BBS9: variants seen among roughly 807,000 people sequenced by gnomAD.
BBS9 encodes protein PTHB1.
Under a neutral mutation model 117.7 loss-of-function variants are expected in BBS9, and 89 were observed. That is an observed-to-expected ratio of 0.76 (90% CI 0.64 to 0.90). The LOEUF (loss-of-function observed/expected upper bound fraction) is 0.90. BBS9 is among the 40% of genes least tolerant of loss of function. BBS9 has a pLI of 0.00. For synonymous variants in BBS9, 379 were observed against 370.9 expected (o/e 1.02, Z -0.25); for missense variants, 982 against 1,042.2 (o/e 0.94, Z 0.80).
chr7:33,371,032 A>C (rs1563077491), intron 17 of BBS9, among the ~76,000 whole-genome samples: 1 of 152,212 alleles, frequency 6.6e-6, no homozygotes, highest in Non-Finnish European at 1.5e-5. Context: ...ATGATCAAAA[A>C]GGTGCTAGTC....
intron 19 of BBS9, among the ~76,000 whole-genome samples, chr7:33,492,225 C>T (rs867184283): frequency 1.1e-5 from 1 of 91,282 alleles, no homozygotes; most frequent in Non-Finnish European, 2.2e-5. Flanking sequence ...AAAAAAAAAA[C>T]AAAAAAAAAA....
chr7:33,164,324 G>A (rs899561468), intron 4 of BBS9, among the ~76,000 whole-genome samples: 1 of 152,172 alleles, frequency 6.6e-6, no homozygotes, highest in Non-Finnish European at 1.5e-5. Flanking sequence ...TGGATGGAGA[G>A]TTCTGTAGAT....
intron 19 of BBS9, among the ~76,000 whole-genome samples, chr7:33,399,383 A>G (rs1484830713): frequency 1.3e-5 from 2 of 152,212 alleles, no homozygotes; most frequent in Non-Finnish European, 2.9e-5. Context: ...AAAACTATAC[A>G]TTCAAATATT....
chr7:33,566,102 T>C lies in BBS9; in HGVS notation c.2521+31926T>C, dbSNP rs1856894365. On this transcript the variant is annotated intron_variant, in intron 21 of 22. Coordinates refer to ENST00000242067, the MANE Select transcript of BBS9 (RefSeq NM_198428.3). ...ACAGATTCTGTTGACTTCTGCCTTATGGGTAACAGACTCCATTCTATACTC... is the reference window on the plus strand; with the variant it reads ...ACAGATTCTGTTGACTTCTGCCTTACGGGTAACAGACTCCATTCTATACTC... Among the ~76,000 whole-genome samples the C allele has an allele frequency of 2.6e-5, 4 of 151,374 alleles. No homozygotes were observed. In the South Asian group the frequency reaches 8.3e-4, roughly 31 times the overall value.
chr7:33,598,584 C>G (rs1290346760), intron 21 of BBS9, among the ~76,000 whole-genome samples: 1 of 152,132 alleles, frequency 6.6e-6, no homozygotes, highest in Non-Finnish European at 1.5e-5. Context: ...ATAGGGGAAG[C>G]TATGCAGAGG....
At chr7:33,157,595 T>G (rs768307731) in intron 4 of BBS9, 3 of 152,210 alleles carry the variant, frequency 2.0e-5, no homozygotes, top group Non-Finnish European at 2.9e-5. Context: ...AGTTCCAGAT[T>G]GAACTTTTAC....
At chr7:33,607,623 A>G (rs1864650565), downstream of BBS9, among the ~76,000 whole-genome samples, 1 of 152,104 alleles carries the variant, frequency 6.6e-6, no homozygotes, top group Non-Finnish European at 1.5e-5. Flanking sequence ...TTTCTTGCAC[A>G]CATTTCTTAT....
intron 16 of BBS9, among the ~76,000 whole-genome samples, chr7:33,362,088 C>T (rs1288574300): frequency 6.6e-6 from 1 of 152,094 alleles, no homozygotes; most frequent in Non-Finnish European, 1.5e-5. Context: ...CTTTCTGTTA[C>T]TAGAGATTAA....
At chr7:33,556,138 A>G (rs1403193999) in intron 21 of BBS9, among the ~76,000 whole-genome samples, 3 of 152,200 alleles carry the variant, frequency 2.0e-5, no homozygotes, top group Non-Finnish European at 4.4e-5. Context: ...CTTATGGTTA[A>G]TTCATCATCT....
chr7:33,573,702 C>T (rs2129143053), intron 21 of BBS9, among the ~76,000 whole-genome samples: 1 of 152,234 alleles, frequency 6.6e-6, no homozygotes, highest in Non-Finnish European at 1.5e-5. Flanking sequence ...ATCAAAGGCG[C>T]TCACTAGGGG....
chr7:33,279,615 G>GT (rs1022262520), intron 9 of BBS9, among the ~76,000 whole-genome samples: 2 of 151,836 alleles, frequency 1.3e-5, no homozygotes, highest in African/African-American at 4.8e-5. Context: ...AGTCTAAGAT[G>GT]TTTTTTTTCT....
intron 19 of BBS9, among the ~76,000 whole-genome samples, chr7:33,504,242 A>G (rs1845840691): frequency 6.6e-6 from 1 of 152,170 alleles, no homozygotes; most frequent in African/African-American, 2.4e-5. Context: ...ATTGCCTTTT[A>G]TAACTCCTGC....
intron 5 of BBS9, among the ~76,000 whole-genome samples, chr7:33,204,259 CCGG>C (rs532559098): frequency 0.028 from 1,254 of 44,526 alleles, 20 homozygotes; most frequent in African/African-American, 0.084. Context: ...CAAAAATTAG[CCGG>C]TGGTGGTGGT....
chr7:33,163,755 A>G (rs1795231706), intron 4 of BBS9, among the ~76,000 whole-genome samples: 2 of 151,924 alleles, frequency 1.3e-5, no homozygotes, highest in East Asian at 1.9e-4. Context: ...AGGTCTATCA[A>G]TTTTGTTGAT....
At position 33,357,839 on chromosome 7, in the gene BBS9, C is replaced by T. The variant is rs751373766; in HGVS notation, c.1553-16C>T. On this transcript the variant is annotated splice_polypyrimidine_tract_variant and intron_variant, in intron 15 of 22. Transcript: ENST00000242067. The stretch of plus-strand genomic sequence containing the variant: ...TTGTCAAGTCTATGAATCTACATAT[C>T]TCTCTTTTATTTTAGGCATTCCGCG... 6.2e-7 allele frequency: 1 copy of T among 1,608,240 alleles called. No individual in the cohort carries two copies. Among genetic ancestry groups the T allele is most frequent in the Non-Finnish European group, 8.5e-7 (1 of 1,175,260 alleles).
intron 19 of BBS9, among the ~76,000 whole-genome samples, chr7:33,493,116 T>C (rs952075617): frequency 6.6e-6 from 1 of 152,096 alleles, no homozygotes; most frequent in African/African-American, 2.4e-5. Context: ...TCCCTTAGCC[T>C]CCTGAGTAGC....
At chr7:33,159,916 A>G (rs1258827751) in intron 4 of BBS9, among the ~76,000 whole-genome samples, 1 of 152,204 alleles carries the variant, frequency 6.6e-6, no homozygotes, top group Non-Finnish European at 1.5e-5. Flanking sequence ...ACTAAAATTA[A>G]ATAGATCAAA....
intron 5 of BBS9, among the ~76,000 whole-genome samples, chr7:33,228,060 T>C (rs1211392840): frequency 2.6e-5 from 4 of 152,190 alleles, no homozygotes; most frequent in African/African-American, 9.6e-5. Flanking sequence ...CATACTGTTT[T>C]CCATAGTGGT....
intron 19 of BBS9, among the ~76,000 whole-genome samples, chr7:33,450,897 T>G (rs1837726741): frequency 6.6e-6 from 1 of 151,534 alleles, no homozygotes; most frequent in South Asian, 2.1e-4. Context: ...TTTTTTGTTT[T>G]TTTGTTTGTG....
Sources: gnomAD v4.1 joint callset for allele counts (sites outside exome capture counted in the v4.1 genomes callset) on GRCh38, gnomAD v4.1.1 for gene constraint, MANE v1.5 for transcripts, NCBI Gene and HGNC (gene_info 2026-07-23, HGNC 2026-07-21) for gene names.